Variants in PPM1E observed in about 807,000 individuals in gnomAD.
PPM1E encodes the protein protein phosphatase, Mg2+/Mn2+ dependent 1E.
In PPM1E, 20 loss-of-function variants were observed where a neutral mutation model predicts 65.9. That is an observed-to-expected ratio of 0.30 (90% CI 0.21 to 0.44). The LOEUF is 0.44. Ranked by LOEUF, PPM1E falls within the 20% of genes least tolerant of loss-of-function variation. PPM1E has a pLI of 1.00. For synonymous variants in PPM1E, 352 were observed against 374.9 expected (o/e 0.94, Z 0.70); for missense variants, 713 against 953.1 (o/e 0.75, Z 3.32).
rs546459839 is a variant in PPM1E, at chr17:58,865,799, G to A, written c.465-89850G>A. Among the ~76,000 whole-genome samples the A allele has an allele frequency of 2.0e-5, 3 of 152,228 alleles. No homozygotes were observed. The East Asian group carries it at 5.8e-4, about 29-fold the overall frequency. ...TCTCTTGATTAGCTATTCTATTGTG[G>A]TAAATAGTTGTTAGCTAGACAACAG... On this transcript the variant is annotated intron_variant, in intron 1 of 6. Transcript: ENST00000308249.
chr17:58,918,276 G>A (rs1007960826), intron 1 of PPM1E, among the ~76,000 whole-genome samples: 7 of 152,180 alleles, frequency 4.6e-5, no homozygotes, highest in Middle Eastern at 6.8e-3. Context: ...GTACATTTAA[G>A]GCTTATTTAA....
At chr17:58,875,502 A>G (rs1014392448) in intron 1 of PPM1E, among the ~76,000 whole-genome samples, 4 of 152,206 alleles carry the variant, frequency 2.6e-5, no homozygotes, top group Admixed American at 2.6e-4. Context: ...ATACTTGTCA[A>G]TCTCAGTGTT....
chr17:58,865,894 A>G (rs2143322277), intron 1 of PPM1E, among the ~76,000 whole-genome samples: 1 of 152,316 alleles, frequency 6.6e-6, no homozygotes, highest in Non-Finnish European at 1.5e-5. Flanking sequence ...ATTTAGATCT[A>G]AACAGCATTA....
chr17:58,827,366 C>G (rs1252792256), intron 1 of PPM1E, among the ~76,000 whole-genome samples: 5 of 151,496 alleles, frequency 3.3e-5, no homozygotes, highest in African/African-American at 9.7e-5. Flanking sequence ...CTCCTGACCT[C>G]TGGTGATCAC....
Position 58,983,110 on chromosome 17 carries a change from T to C in PPM1E, c.*2079T>C. On this transcript the variant is annotated 3_prime_UTR_variant, in exon 7 of 7. Coordinates refer to ENST00000308249, the MANE Select transcript of PPM1E (RefSeq NM_014906.5). ...TAGGCTTTCTCAGTGGGGAAAAAAA[T>C]GGCTGGATAGAACTGGGACAAACAC... 1.8e-6 allele frequency: 1 copy of C among 564,322 alleles called. No individual in the cohort carries two copies. The highest frequency in any genetic ancestry group is 3.1e-6 in the Non-Finnish European group (1 of 322,236). The allele number at this position is 564,322 out of a possible 1,614,324, so 35.0% of individuals were successfully genotyped here.
chr17:58,913,247 G>A (rs1377359576), intron 1 of PPM1E, among the ~76,000 whole-genome samples: 1 of 152,006 alleles, frequency 6.6e-6, no homozygotes, highest in Non-Finnish European at 1.5e-5. Context: ...CTTGATGTGT[G>A]GGGAAAACCC....
chr17:58,855,449 T>C (rs1446760876), intron 1 of PPM1E, among the ~76,000 whole-genome samples: 1 of 152,170 alleles, frequency 6.6e-6, no homozygotes, highest in East Asian at 1.9e-4. Flanking sequence ...GTAGAATGCT[T>C]CCCCTTCCTC....
At chr17:58,883,092 A>T (rs2051219837) in intron 1 of PPM1E, among the ~76,000 whole-genome samples, 1 of 150,692 alleles carries the variant, frequency 6.6e-6, no homozygotes, top group Admixed American at 6.7e-5. Context: ...ACTAGCTGGG[A>T]TTACAGGCGC....
At chr17:58,933,641 C>T (rs1347049730) in intron 1 of PPM1E, among the ~76,000 whole-genome samples, 1 of 151,498 alleles carries the variant, frequency 6.6e-6, no homozygotes, top group Non-Finnish European at 1.5e-5. Context: ...ACTAACAATA[C>T]AAAAATTAGC....
chr17:58,898,327 C>A (rs547328618), intron 1 of PPM1E, among the ~76,000 whole-genome samples: 1 of 150,598 alleles, frequency 6.6e-6, no homozygotes, highest in South Asian at 2.1e-4. Flanking sequence ...AATCAAACAA[C>A]CCCGTCAAAA....
intron 1 of PPM1E, among the ~76,000 whole-genome samples, chr17:58,912,383 A>C (rs1363472948): frequency 6.6e-6 from 1 of 152,214 alleles, no homozygotes; most frequent in Non-Finnish European, 1.5e-5. Flanking sequence ...ACTTGAAGGA[A>C]GTGAGGATAT....
chr17:58,836,687 G>A (rs1311966976), intron 1 of PPM1E, among the ~76,000 whole-genome samples: 1 of 150,472 alleles, frequency 6.6e-6, no homozygotes, highest in East Asian at 2.1e-4. Flanking sequence ...CTGGTCTCGA[G>A]CTCCTGACCT....
intron 1 of PPM1E, among the ~76,000 whole-genome samples, chr17:58,898,253 C>CAAAA: frequency 1.5e-5 from 1 of 65,916 alleles, no homozygotes; most frequent in East Asian, 4.2e-4. Context: ...GACTGCGTCT[C>CAAAA]AAAAAAAAAA....
intron 1 of PPM1E, among the ~76,000 whole-genome samples, chr17:58,789,844 T>A (rs1036859355): frequency 3.3e-5 from 5 of 152,148 alleles, no homozygotes; most frequent in African/African-American, 1.2e-4. Context: ...CAGCAAGCAT[T>A]ATAGTTTAGT....
chr17:58,893,937 G>C (rs906141448), intron 1 of PPM1E, among the ~76,000 whole-genome samples: 1 of 151,914 alleles, frequency 6.6e-6, no homozygotes, highest in South Asian at 2.1e-4. Context: ...AGCTGGATGT[G>C]GTGGCAAACA....
At chr17:58,767,964 A>G (rs1016715935) in intron 1 of PPM1E, among the ~76,000 whole-genome samples, 1 of 150,692 alleles carries the variant, frequency 6.6e-6, no homozygotes, top group Non-Finnish European at 1.5e-5. Context: ...TTATTTATTT[A>G]TTTAGAGACA....
At chr17:58,911,858 T>C (rs2051630914) in intron 1 of PPM1E, among the ~76,000 whole-genome samples, 1 of 151,746 alleles carries the variant, frequency 6.6e-6, no homozygotes, top group Non-Finnish European at 1.5e-5. Flanking sequence ...TTTAAGAGAG[T>C]GAGTGTTAGA....
At chr17:58,829,661 T>C (rs1346972864) in intron 1 of PPM1E, among the ~76,000 whole-genome samples, 1 of 152,166 alleles carries the variant, frequency 6.6e-6, no homozygotes, top group African/African-American at 2.4e-5. Context: ...CTCAGTTTTG[T>C]GGTTTTCATT....
intron 1 of PPM1E, among the ~76,000 whole-genome samples, chr17:58,947,229 T>A (rs1485034817): frequency 8.6e-5 from 11 of 127,748 alleles, no homozygotes; most frequent in Non-Finnish European, 1.6e-4. Flanking sequence ...GCCACACTCC[T>A]GGCCTTTTTT....
Sources: gnomAD v4.1 joint callset for allele counts (sites outside exome capture counted in the v4.1 genomes callset) on GRCh38, gnomAD v4.1.1 for gene constraint, MANE v1.5 for transcripts, NCBI Gene and HGNC (gene_info 2026-07-23, HGNC 2026-07-21) for gene names.